The following SACS variants were observed in gnomAD, a reference collection of about 807,000 sequenced individuals.
SACS encodes sacsin.
A neutral mutation model predicts 348.0 loss-of-function variants in SACS; 197 were observed. The observed-to-expected ratio is 0.57, with a 90% confidence interval of 0.50 to 0.64. SACS has a LOEUF of 0.64. SACS is among the 30% of genes least tolerant of loss of function. SACS has a pLI of 0.00. For synonymous variants in SACS, 1,985 were observed against 1,910.6 expected, an observed-to-expected ratio of 1.04 and a Z score of -1.02; for missense variants, 4,999 against 5,360.8, an observed-to-expected ratio of 0.93 and a Z score of 2.11.
At chr13:23,359,349 A>C (rs1387516666) in intron 6 of SACS, among the ~76,000 whole-genome samples, 1 of 152,196 alleles carries the variant, frequency 6.6e-6, no homozygotes, top group Non-Finnish European at 1.5e-5. Context: ...TTAAAAAATA[A>C]ATCTTATTTC....
chr13:23,405,383 T>G (rs12583530), intron 2 of SACS, among the ~76,000 whole-genome samples: 42,178 of 151,888 alleles, frequency 0.28, 6,407 homozygotes, highest in East Asian at 0.44. Context: ...ACTGGACTCC[T>G]TACACCTTAT....
intron 2 of SACS, among the ~76,000 whole-genome samples, chr13:23,375,718 A>C: frequency 6.8e-6 from 1 of 147,966 alleles, no homozygotes; most frequent in East Asian, 2.0e-4. Flanking sequence ...GTCTTGCCCA[A>C]TCCGGACAGT....
chr13:23,329,430 A>G lies in SACS; in HGVS notation c.*706T>C, dbSNP rs371954362. The G allele has an allele frequency of 2.3e-5, 18 of 771,470 alleles. No individual in the cohort carries two copies. The highest frequency in any genetic ancestry group is 7.0e-5 in the Admixed American group (4 of 57,254). 47.8% of individuals were successfully genotyped at this position (771,470 alleles called of 1,614,324 possible). ...CCAGAAACAATACTAACAACTGGTA[A>G]TAAGAACTGCCACCATTTTGAGTTT... On this transcript the variant is annotated 3_prime_UTR_variant, in exon 10 of 10. Transcript: ENST00000382292.
Position 23,341,025 on chromosome 13 carries a change from G to A in SACS, c.2851C>T (p.His951Tyr), listed in dbSNP as rs555018966. ...YTKLKGCKVLHHTAKLPADLR... is the reference protein window; with the variant it reads ...YTKLKGCKVLYHTAKLPADLR... ...TCTGCTGGGAGTTTGGCAGTATGGT[G>A]TAAGACTTTACAACCTTTCAATTTT... Residue 951 changes from histidine (H) to tyrosine (Y), a missense_variant, in exon 10 of 10, where the codon CAC becomes TAC. His to Tyr is a moderately conservative substitution (Grantham distance 83). Transcript: ENST00000382292. The A allele has an allele frequency of 8.1e-6, 13 of 1,614,098 alleles. No homozygotes were observed. In the African/African-American group the frequency reaches 1.5e-4, roughly 18 times the overall value.
intron 3 of SACS, among the ~76,000 whole-genome samples, chr13:23,371,681 A>G (rs117200395): frequency 1.0e-3 from 156 of 152,376 alleles, no homozygotes; most frequent in Admixed American, 2.0e-3. Context: ...TAGGTTACGT[A>G]TTCAGGCTAC....
At chr13:23,350,393 C>T (rs1869877032) in intron 9 of SACS, among the ~76,000 whole-genome samples, 1 of 152,028 alleles carries the variant, frequency 6.6e-6, no homozygotes, top group Non-Finnish European at 1.5e-5. Flanking sequence ...TATAGTGAAA[C>T]ATATTTAACT....
At chr13:23,365,140 A>C in intron 6 of SACS, 26 bp downstream of exon 6, 1 of 1,475,088 alleles carries the variant, frequency 6.8e-7, no homozygotes, top group Non-Finnish European at 9.5e-7. Flanking sequence ...ATACAATAAA[A>C]TTTGTTCCTA....
chr13:23,416,038 G>C lies in SACS; in HGVS notation c.-501-4298C>G, dbSNP rs7336180. Among the ~76,000 whole-genome samples, 33 of 151,938 alleles carry C rather than the reference G, an allele frequency of 2.2e-4. No homozygotes were observed. In the South Asian group the frequency reaches 5.6e-3, roughly 26 times the overall value. ...CTCACGTCTGTAATCCTAGCACTCT[G>C]GGGGGCTGAGGCTGTTAGGTCACCT... On this transcript the variant is annotated intron_variant, in intron 1 of 9. Coordinates refer to ENST00000382292, the MANE Select transcript of SACS (RefSeq NM_014363.6).
rs1868992424 is a variant in SACS, at chr13:23,339,487, TC to T, written c.4388del (p.Arg1463LysfsTer34). 1 of 1,609,040 alleles carries T rather than the reference TC, an allele frequency of 6.2e-7. No individual in the cohort carries two copies. Among genetic ancestry groups the T allele is most frequent in the Non-Finnish European group, 8.5e-7 (1 of 1,177,172 alleles). On this transcript the variant is annotated frameshift_variant, in exon 10 of 10. Coordinates refer to ENST00000382292, the MANE Select transcript of SACS (RefSeq NM_014363.6). LOFTEE classifies it high-confidence loss of function. ...GGTATTCTTCCAGAATATTTTTAAT[TC>T]TTACAGTAAGTGGCTCTCTTTGTCC... ...QSGQREPLTV[R>X]IKNILEEYPS...
intron 1 of SACS, among the ~76,000 whole-genome samples, chr13:23,413,192 G>C (rs1873563329): frequency 6.6e-6 from 1 of 152,102 alleles, no homozygotes; most frequent in Non-Finnish European, 1.5e-5. Flanking sequence ...TGGTCAGGCT[G>C]GTCTTGAACT....
chr13:23,356,470 T>A (rs1332535710), intron 7 of SACS, among the ~76,000 whole-genome samples: 1 of 152,248 alleles, frequency 6.6e-6, no homozygotes, highest in Non-Finnish European at 1.5e-5. Context: ...CTGAAGCTCA[T>A]GAGGTACATT....
rs573522021 is a variant in SACS, at chr13:23,340,020, G to C, written c.3856C>G (p.Pro1286Ala). Residue 1286 changes from proline to alanine, a missense_variant, in exon 10 of 10, where the codon CCA (proline) becomes GCA (alanine). This residue lies in a region of SACS where 3,156 missense variants were observed against 3,380.1 expected (regional missense o/e 0.93). Coordinates refer to ENST00000382292, the MANE Select transcript of SACS (RefSeq NM_014363.6). ...GGTTTAATCACAGCCTGGGCAAGTGGACAAAACTTTTTGCCAGTCCAAACC... is the reference window on the plus strand; with the variant it reads ...GGTTTAATCACAGCCTGGGCAAGTGCACAAAACTTTTTGCCAGTCCAAACC... ...PWVWTGKKFC[P>A]LAQAVIKPIH... 2.5e-6 allele frequency: 4 copies of C among 1,613,576 alleles called. No homozygotes were observed. Among genetic ancestry groups the C allele is most frequent in the East Asian group, 2.2e-5 (1 of 44,868 alleles).
rs1445463872 is a variant in SACS at position 23,411,423 on chromosome 13, C to T, written c.-184G>A. 3.1e-6 allele frequency: 2 copies of T among 640,836 alleles called. No homozygotes were observed. Among genetic ancestry groups the T allele is most frequent in the Non-Finnish European group, 5.6e-6 (2 of 357,678 alleles). The allele number at this position is 640,836 out of a possible 1,614,324, so 39.7% of individuals were successfully genotyped here. A position where few individuals can be genotyped will look rare whatever the true frequency, so the allele number is the denominator to read the frequency against. On this transcript the variant is annotated 5_prime_UTR_variant, in exon 2 of 10. Transcript: ENST00000382292. ...ATCATCTGATGTCAGGAAACATTGT[C>T]GTGTGTTGCATTTGTATTCCTTAAA...
chr13:23,330,098 A>C lies in SACS; in HGVS notation c.*38T>G. On this transcript the variant is annotated 3_prime_UTR_variant, in exon 10 of 10. Coordinates refer to ENST00000382292, the MANE Select transcript of SACS (RefSeq NM_014363.6). ...AGTACAGCAATTTATTCGTGCTACAACACATTCAAGATCTACCTTTTTTTT... is the reference window on the plus strand; with the variant it reads ...AGTACAGCAATTTATTCGTGCTACACCACATTCAAGATCTACCTTTTTTTT... 6.4e-7 allele frequency: 1 copy of C among 1,573,166 alleles called. No individual in the cohort carries two copies. Among genetic ancestry groups the C allele is most frequent in the Non-Finnish European group, 8.7e-7 (1 of 1,145,646 alleles).
Position 23,334,564 on chromosome 13 carries a change from T to C in SACS, c.9312A>G (p.Thr3104=). The C allele has an allele frequency of 1.2e-6, 2 of 1,613,390 alleles. No individual in the cohort carries two copies. Among genetic ancestry groups the C allele is most frequent in the Non-Finnish European group, 1.7e-6 (2 of 1,179,702 alleles). The change falls in exon 10 of 10, where the codon ACA becomes ACG. Residue 3104 remains threonine, a synonymous_variant. Transcript: ENST00000382292. The part of the protein sequence containing the change: ...TPADIRSFLM[T]FSSPDTNCHI... ...GGCAATTAGTGTCAGGAGAGGAAAATGTCATTAAAAAAGATCTGATATCAG... is the reference window on the plus strand; with the variant it reads ...GGCAATTAGTGTCAGGAGAGGAAAACGTCATTAAAAAAGATCTGATATCAG...
At position 23,331,281 on chromosome 13, in the gene SACS, G is replaced by C. The variant is rs774473647; in HGVS notation, c.12595C>G (p.Pro4199Ala). Residue 4199 changes from proline to alanine, a missense_variant, in exon 10 of 10, where the codon CCA becomes GCA. By Grantham distance (27) the Pro-to-Ala change is conservative (BLOSUM62 -1). Coordinates refer to ENST00000382292, the MANE Select transcript of SACS (RefSeq NM_014363.6). ...EGGDIYGSYQ[P>A]TYTYAIIVQE... ...ACAATAATTGCATATGTGTATGTTG[G>C]CTGGTATGATCCATAGATATCACCA... is the stretch of plus-strand genomic sequence containing the variant. The C allele has an allele frequency of 1.2e-6, 2 of 1,613,848 alleles. No individual in the cohort carries two copies. The highest frequency in any genetic ancestry group is 1.1e-5 in the South Asian group (1 of 91,074).
chr13:23,335,334 A>G lies in SACS; in HGVS notation c.8542T>C (p.Phe2848Leu). 1 of 1,613,940 alleles carries G rather than the reference A, an allele frequency of 6.2e-7. No individual in the cohort carries two copies. Among genetic ancestry groups the G allele is most frequent in the Non-Finnish European group, 8.5e-7 (1 of 1,179,880 alleles). ...SAHKNQDITL[F>L]PRGGVAACIT... Reference sequence around the variant, plus strand: ...CAGGCAGCTACTCCACCACGTGGGAAAAGAGTAATATCTTGGTTCTTGTGA... The same window carrying G: ...CAGGCAGCTACTCCACCACGTGGGAGAAGAGTAATATCTTGGTTCTTGTGA... The change falls in exon 10 of 10, where the codon TTC (phenylalanine) becomes CTC (leucine). Residue 2848 changes from phenylalanine (F) to leucine (L), a missense_variant. By Grantham distance (22) the Phe-to-Leu change is conservative (BLOSUM62 0). Coordinates refer to ENST00000382292, the MANE Select transcript of SACS (RefSeq NM_014363.6). This position sits in a 1 kb window ranked among gnomAD's most constrained non-coding sequence, Gnocchi z 4.7.
At chr13:23,432,003 A>G (rs1416846566) in intron 1 of SACS, among the ~76,000 whole-genome samples, 1 of 152,324 alleles carries the variant, frequency 6.6e-6, no homozygotes, top group East Asian at 1.9e-4. Flanking sequence ...CTTCATACAA[A>G]TCACCTGGTT....
At chr13:23,354,423 A>G in intron 8 of SACS, 96 bp downstream of exon 8, 1 of 1,070,406 alleles carries the variant, frequency 9.3e-7, no homozygotes, top group South Asian at 1.3e-5. Flanking sequence ...AAATCGACAT[A>G]GAAAACCATT....
Sources: allele counts gnomAD v4.1 joint callset (sites outside exome capture counted in the v4.1 genomes callset), GRCh38; gene constraint gnomAD v4.1.1; regional missense constraint gnomAD v4.1.1; non-coding constraint Gnocchi (gnomAD v3.1); transcripts MANE v1.5; gene names NCBI Gene and HGNC (gene_info 2026-07-23, HGNC 2026-07-21).